HSPA12A: variants seen among roughly 807,000 people sequenced by gnomAD.
HSPA12A encodes heat shock 70 kDa protein 12A.
A neutral mutation model predicts 69.2 loss-of-function variants in HSPA12A; 28 were observed. The observed-to-expected ratio is 0.40, with a 90% CI of 0.30 to 0.55. HSPA12A has a LOEUF of 0.55. Among genes scored for constraint, HSPA12A ranks in the 20% least tolerant of loss-of-function variants. The pLI is 0.38. For synonymous variants in HSPA12A, 345 were observed against 370.5 expected, an observed-to-expected ratio of 0.93 and a Z score of 0.79; for missense variants, 686 against 900.7, an observed-to-expected ratio of 0.76 and a Z score of 3.05.
At chr10:116,787,705 G>A (rs955552861) in intron 2 of HSPA12A, among the ~76,000 whole-genome samples, 3 of 152,104 alleles carry the variant, frequency 2.0e-5, no homozygotes, top group Non-Finnish European at 2.9e-5. Flanking sequence ...CTTTTGTGTT[G>A]TTTGAATTGT....
chr10:116,722,834 G>A (rs533373865), intron 1 of HSPA12A, among the ~76,000 whole-genome samples: 2 of 152,262 alleles, frequency 1.3e-5, no homozygotes, highest in East Asian at 1.9e-4. Context: ...CTCTTCATGA[G>A]ACACCATGGT....
intron 1 of HSPA12A, among the ~76,000 whole-genome samples, chr10:116,720,606 G>A (rs1850747877): frequency 6.6e-6 from 1 of 152,234 alleles, no homozygotes; most frequent in African/African-American, 2.4e-5. Context: ...CAGATCAGCT[G>A]TTTCAAGCTA....
chr10:116,849,424 G>GGAAC, intron 1 of HSPA12A: 1 of 1,195,952 alleles, frequency 8.4e-7, no homozygotes, highest in Admixed American at 3.2e-5. Context: ...CCAATAAAAG[G>GGAAC]GAACGACTTT....
intron 3 of HSPA12A, among the ~76,000 whole-genome samples, chr10:116,702,036 G>A (rs1385860011): frequency 1.3e-5 from 2 of 152,102 alleles, no homozygotes; most frequent in Non-Finnish European, 2.9e-5. Context: ...GGGGGGCCAA[G>A]GTGGGAGGAT....
chr10:116,761,589 AAC>A (rs1453228105), intron 2 of HSPA12A, among the ~76,000 whole-genome samples: 1 of 152,138 alleles, frequency 6.6e-6, no homozygotes, highest in Non-Finnish European at 1.5e-5. Context: ...TAAAAAAAAA[AAC>A]GAAGAAATTA....
intron 2 of HSPA12A, among the ~76,000 whole-genome samples, chr10:116,748,600 G>A (rs1315114250): frequency 7.2e-5 from 11 of 152,156 alleles, no homozygotes; most frequent in African/African-American, 2.7e-4. Flanking sequence ...AAAGAGGTTT[G>A]ATGGACTCAC....
At chr10:116,796,269 G>A (rs900240702) in intron 2 of HSPA12A, among the ~76,000 whole-genome samples, 16 of 151,914 alleles carry the variant, frequency 1.1e-4, no homozygotes, top group African/African-American at 3.4e-4. Flanking sequence ...CTCAGTTCAC[G>A]TTAGCTGTTA....
intron 2 of HSPA12A, among the ~76,000 whole-genome samples, chr10:116,757,063 GAAAGGTTC>G (rs1271835769): frequency 2.0e-5 from 3 of 152,168 alleles, no homozygotes; most frequent in African/African-American, 4.8e-5. Flanking sequence ...GGAGGCACAG[GAAAGGTTC>G]AATAACTTGT....
chr10:116,793,412 G>C (rs1844742857), intron 2 of HSPA12A, among the ~76,000 whole-genome samples: 1 of 152,004 alleles, frequency 6.6e-6, no homozygotes, highest in Admixed American at 6.6e-5. Context: ...CTCTACAAAA[G>C]ATACAAGAAT....
intron 2 of HSPA12A, among the ~76,000 whole-genome samples, chr10:116,811,579 TAAAAAAAAA>T (rs60912684): frequency 9.4e-6 from 1 of 105,926 alleles, no homozygotes; most frequent in Non-Finnish European, 1.8e-5. Context: ...TTGCTTTTGT[TAAAAAAAAA>T]AAAAAAAAAA....
rs147287197 is a variant in HSPA12A at position 116,785,990 on chromosome 10, C to T, written c.91+48945G>A. ...CTCTTTGTGGCCCTGGGAGACATCC[C>T]GACTCCTGCACCCGTCATGAGGCCT... On this transcript the variant is annotated intron_variant, in intron 2 of 12. Coordinates refer to the HSPA12A transcript ENST00000635765. Among the ~76,000 whole-genome samples the T allele has an allele frequency of 1.1e-4, 16 of 152,304 alleles. No homozygotes were observed. The East Asian group carries it at 2.5e-3, about 24-fold the overall frequency.
At position 116,686,965 on chromosome 10, in the gene HSPA12A, T is replaced by A. The variant is rs1554879612; in HGVS notation, c.664-3003A>T. 2.0e-5 allele frequency among the ~76,000 whole-genome samples: 3 copies of A among 152,156 alleles called. No homozygotes were observed. Among genetic ancestry groups the A allele is most frequent in the Admixed American group, 6.5e-5 (1 of 15,274 alleles). ...GAAATTCTGAGCAGGAACTCTGACTTAGATGGGAAATCTTTATATGGAAAT... is the reference window on the plus strand; with the variant it reads ...GAAATTCTGAGCAGGAACTCTGACTAAGATGGGAAATCTTTATATGGAAAT... On this transcript the variant is annotated intron_variant, in intron 6 of 11. Transcript: ENST00000369209. The surrounding 1 kb of genome is among the most constrained non-coding windows in gnomAD (Gnocchi z 4.1).
chr10:116,831,310 T>C (rs936211002), intron 2 of HSPA12A: 1 of 152,050 alleles, frequency 6.6e-6, no homozygotes, highest in African/African-American at 2.4e-5. Flanking sequence ...TTTGTGGAGG[T>C]GATGACATGG....
intron 7 of HSPA12A, 137 bp from the exon 8 acceptor site, chr10:116,682,014 A>T: frequency 1.4e-6 from 1 of 697,096 alleles, no homozygotes; most frequent in South Asian, 1.8e-5. Context: ...ATAAGTCAAT[A>T]CGATGTCGGG....
chr10:116,739,042 C>G (rs1311900945), intron 1 of HSPA12A, among the ~76,000 whole-genome samples: 1 of 152,230 alleles, frequency 6.6e-6, no homozygotes, highest in African/African-American at 2.4e-5. Context: ...CGCCCTGTCA[C>G]TACCATCTAC....
At chr10:116,842,564 A>T (rs1845818333) in intron 1 of HSPA12A, among the ~76,000 whole-genome samples, 1 of 152,212 alleles carries the variant, frequency 6.6e-6, no homozygotes, top group Admixed American at 6.5e-5. Flanking sequence ...CTATAAAGTT[A>T]AAAAATTATC....
chr10:116,781,258 A>G (rs991896740), intron 2 of HSPA12A, among the ~76,000 whole-genome samples: 1 of 152,130 alleles, frequency 6.6e-6, no homozygotes, highest in East Asian at 1.9e-4. Flanking sequence ...CTTGCACTGC[A>G]GCCTGGGCAA....
intron 2 of HSPA12A, among the ~76,000 whole-genome samples, chr10:116,753,702 G>A (rs1843757757): frequency 6.6e-6 from 1 of 152,204 alleles, no homozygotes; most frequent in African/African-American, 2.4e-5. Context: ...GCAAACCCCT[G>A]CAAAGAGTCT....
chr10:116,766,679 A>G (rs1244122284), intron 2 of HSPA12A, among the ~76,000 whole-genome samples: 2 of 152,174 alleles, frequency 1.3e-5, no homozygotes, highest in East Asian at 3.9e-4. Context: ...TCAGCTTGGC[A>G]TGGCTCATGG....
Sources: gnomAD v4.1 joint callset for allele counts (sites outside exome capture counted in the v4.1 genomes callset) on GRCh38, gnomAD v4.1.1 for gene constraint, Gnocchi (gnomAD v3.1) non-coding constraint, MANE v1.5 for transcripts, NCBI Gene and HGNC (gene_info 2026-07-23, HGNC 2026-07-21) for gene names.